PTPRT: variants seen among roughly 807,000 people sequenced by gnomAD.
PTPRT encodes the protein protein tyrosine phosphatase receptor type T.
Under a neutral mutation model 176.8 loss-of-function variants are expected in PTPRT, and 56 were observed. The observed-to-expected ratio is 0.32, with a 90% CI of 0.26 to 0.40. PTPRT has a LOEUF of 0.40. Among genes scored for constraint, PTPRT ranks in the 10% least tolerant of loss-of-function variants. The pLI, the probability that PTPRT is intolerant of heterozygous loss-of-function variation, is 1.00. For synonymous variants in PTPRT, 783 were observed against 739.0 expected, an observed-to-expected ratio of 1.06 and a Z score of -0.96; for missense variants, 1,540 against 1,908.2, an observed-to-expected ratio of 0.81 and a Z score of 3.60.
At position 42,772,021 on chromosome 20, in the gene PTPRT, C is replaced by T. The variant is rs553588024; in HGVS notation, c.569-471G>A. On this transcript the variant is annotated intron_variant, in intron 4 of 30. Coordinates refer to ENST00000373187, the MANE Select transcript of PTPRT (RefSeq NM_007050.6). ...AATTGGGGGGCAGGAGGGGTGTATT[C>T]ACCATAGGTGATGCTTCCCTGTAGC... Among the ~76,000 whole-genome samples, 92 of 152,202 alleles carry T rather than the reference C, an allele frequency of 6.0e-4. 1 individual carries two copies. Among genetic ancestry groups the T allele is most frequent in the Non-Finnish European group, 1.1e-3 (78 of 68,040 alleles).
intron 7 of PTPRT, among the ~76,000 whole-genome samples, chr20:42,654,534 A>C (rs2075089793): frequency 6.6e-6 from 1 of 152,152 alleles, no homozygotes; most frequent in Non-Finnish European, 1.5e-5. Context: ...GTTACTACAG[A>C]GAGGGGTAGG....
At chr20:42,686,041 C>G (rs1313330330) in intron 6 of PTPRT, 2 of 152,108 alleles carry the variant, frequency 1.3e-5, no homozygotes, top group Non-Finnish European at 2.9e-5. Flanking sequence ...CCTCTGGGAC[C>G]CCCTCAAAGA....
rs549320369 is a variant in PTPRT at position 42,156,541 on chromosome 20, C to T, written c.2682+4811G>A. ...AATTCCAACTTCATAGATCCAACTA[C>T]CTTCTTGCCACCACATGGAGACACT... On this transcript the variant is annotated intron_variant, in intron 17 of 30. Coordinates refer to ENST00000373187, the MANE Select transcript of PTPRT (RefSeq NM_007050.6). Among the ~76,000 whole-genome samples, 8 of 152,316 alleles carry T rather than the reference C, an allele frequency of 5.3e-5. No individual in the cohort carries two copies. The East Asian group carries it at 1.4e-3, about 26-fold the overall frequency.
At chr20:42,685,893 C>T (rs893629172) in intron 6 of PTPRT, 1 of 152,108 alleles carries the variant, frequency 6.6e-6, no homozygotes, top group African/African-American at 2.4e-5. Flanking sequence ...CAGTTCTCTG[C>T]TCTCAATCAC....
chr20:42,427,326 T>A (rs923414351), intron 9 of PTPRT, among the ~76,000 whole-genome samples: 2 of 152,202 alleles, frequency 1.3e-5, no homozygotes, highest in Non-Finnish European at 1.5e-5. Context: ...CTTAAAAACT[T>A]GTTAGCCTGC....
intron 15 of PTPRT, among the ~76,000 whole-genome samples, chr20:42,210,845 C>T (rs2055605617): frequency 6.6e-6 from 1 of 152,126 alleles, no homozygotes; most frequent in Non-Finnish European, 1.5e-5. Flanking sequence ...CAAGTCAATC[C>T]TAACCCAAAA....
At chr20:43,055,188 G>C (rs375752943) in intron 1 of PTPRT, among the ~76,000 whole-genome samples, 1 of 152,012 alleles carries the variant, frequency 6.6e-6, no homozygotes, top group African/African-American at 2.4e-5. Context: ...AAGTTGCACC[G>C]ACCCCTGAAA....
At chr20:42,140,001 A>G (rs1175247723) in intron 18 of PTPRT, among the ~76,000 whole-genome samples, 1 of 152,264 alleles carries the variant, frequency 6.6e-6, no homozygotes, top group Non-Finnish European at 1.5e-5. Context: ...TCCAAGAGAG[A>G]AATTATAAAT....
intron 1 of PTPRT, among the ~76,000 whole-genome samples, chr20:43,180,917 T>C (rs1031501904): frequency 6.6e-6 from 1 of 152,206 alleles, no homozygotes; most frequent in African/African-American, 2.4e-5. Context: ...ACCTAGTGAC[T>C]TGCTTCTGAC....
intron 7 of PTPRT, among the ~76,000 whole-genome samples, chr20:42,579,181 A>G (rs369425647): frequency 2.9e-4 from 44 of 150,834 alleles, no homozygotes; most frequent in Non-Finnish European, 4.9e-4. Flanking sequence ...TCCTTGTGAG[A>G]GTTTGCTGAG....
intron 6 of PTPRT, among the ~76,000 whole-genome samples, chr20:42,681,880 C>T (rs1213197947): frequency 5.3e-5 from 8 of 152,186 alleles, no homozygotes; most frequent in African/African-American, 1.4e-4. Flanking sequence ...CAGACACAGA[C>T]ACACACAACA....
intron 1 of PTPRT, among the ~76,000 whole-genome samples, chr20:43,098,920 C>G (rs1266762830): frequency 6.6e-6 from 1 of 152,142 alleles, no homozygotes; most frequent in African/African-American, 2.4e-5. Context: ...ATCATTCTGA[C>G]AGGTATTTCT....
In PTPRT at chr20:42,638,869, C is replaced by T. The variant is rs989261886; in HGVS notation, c.1153+38997G>A. ...GTTTTCCCACACATTAGAAAGATGT[C>T]TAAGATAAACCCATGAATTAATGGA... On this transcript the variant is annotated intron_variant, in intron 7 of 30. Transcript: ENST00000373187. Among the ~76,000 whole-genome samples, 7 of 152,064 alleles carry T rather than the reference C, an allele frequency of 4.6e-5. No homozygotes were observed. In the South Asian group the frequency reaches 1.2e-3, roughly 27 times the overall value.
intron 8 of PTPRT, among the ~76,000 whole-genome samples, chr20:42,449,907 C>A (rs1247062819): frequency 6.6e-6 from 1 of 152,098 alleles, no homozygotes; most frequent in Non-Finnish European, 1.5e-5. Context: ...ATTTTCCAAT[C>A]TTTTTATGCA....
chr20:42,906,607 G>C (rs896908597), intron 1 of PTPRT, among the ~76,000 whole-genome samples: 1 of 152,158 alleles, frequency 6.6e-6, no homozygotes, highest in African/African-American at 2.4e-5. Context: ...TGAGGCTTCA[G>C]TTGTAAACAT....
rs928722043 is a variant in PTPRT, at chr20:42,184,400, C to T, written c.2491+14840G>A. Among the ~76,000 whole-genome samples, 16 of 151,840 alleles carry T rather than the reference C, an allele frequency of 1.1e-4. 1 individual carries two copies. The highest frequency in any genetic ancestry group is 3.9e-4 in the African/African-American group (16 of 41,342). On this transcript the variant is annotated intron_variant, in intron 16 of 30. Transcript: ENST00000373187. ...TGAAGTACCTTAAGGATTCTATTTC[C>T]TGCTGGTATTTCTTTCCTTTCCTTT...
At chr20:42,614,998 C>T (rs1294438241) in intron 7 of PTPRT, among the ~76,000 whole-genome samples, 1 of 143,334 alleles carries the variant, frequency 7.0e-6, no homozygotes, top group Non-Finnish European at 1.5e-5. Flanking sequence ...AGGTTAGTTA[C>T]ATATGTATAC....
At chr20:42,146,370 C>T (rs1988866268) in intron 17 of PTPRT, among the ~76,000 whole-genome samples, 1 of 152,232 alleles carries the variant, frequency 6.6e-6, no homozygotes, top group African/African-American at 2.4e-5. Flanking sequence ...GATAGCATGA[C>T]TGTTTTCATA....
the PTPRT span, among the ~76,000 whole-genome samples, chr20:42,061,307 C>G: frequency 6.6e-6 from 1 of 152,124 alleles, no homozygotes; most frequent in Non-Finnish European, 1.5e-5. Flanking sequence ...GTCATCTCCC[C>G]TCAGAGTCTG....
Sources: gnomAD v4.1 joint callset for allele counts (sites outside exome capture counted in the v4.1 genomes callset) on GRCh38, gnomAD v4.1.1 for gene constraint, MANE v1.5 for transcripts, NCBI Gene and HGNC (gene_info 2026-07-23, HGNC 2026-07-21) for gene names.